The following CAPN14 variants were observed in gnomAD, a reference collection of about 807,000 sequenced individuals.
CAPN14 encodes the protein calpain-14.
In CAPN14, 94 loss-of-function variants were observed where a neutral mutation model predicts 101.3. That is an observed-to-expected ratio of 0.93 (90% CI 0.79 to 1.10). The LOEUF is 1.10. Ranked by LOEUF, CAPN14 falls within the 50% of genes least tolerant of loss-of-function variation. CAPN14 has a pLI of 0.00. For missense variants in CAPN14, 837 were observed against 828.4 expected (o/e 1.01, Z -0.13); for synonymous variants, 338 against 317.9 (o/e 1.06, Z -0.67).
intron 16 of CAPN14, among the ~76,000 whole-genome samples, chr2:31,185,940 C>A (rs553921120): frequency 2.0e-5 from 3 of 152,120 alleles, no homozygotes; most frequent in Non-Finnish European, 4.4e-5. Flanking sequence ...TTACCCCAGG[C>A]TTCATATGAA....
chr2:31,212,336 A>G (rs1443542869), intron 1 of CAPN14, among the ~76,000 whole-genome samples: 1 of 151,756 alleles, frequency 6.6e-6, no homozygotes, highest in Non-Finnish European at 1.5e-5. Context: ...AACAAAAAAA[A>G]CACAATGTGG....
upstream of CAPN14, among the ~76,000 whole-genome samples, chr2:31,219,317 C>T (rs80196039): frequency 7.3e-3 from 1,117 of 152,276 alleles, 9 homozygotes; most frequent in East Asian, 0.014. Flanking sequence ...AGCACTGTGG[C>T]CTTTTAACAT....
intron 3 of CAPN14, among the ~76,000 whole-genome samples, chr2:31,202,602 T>C (rs116670534): frequency 0.054 from 8,254 of 152,150 alleles, 270 homozygotes; most frequent in African/African-American, 0.086. Context: ...AAAGCCTCAA[T>C]CCTTCAGGAC....
At position 31,173,079 on chromosome 2, in the gene CAPN14, T is replaced by C. The variant is rs1006375407; in HGVS notation, c.*1602A>G. Reference sequence around the variant, plus strand: ...CCTTCAGGGGCCAAGGCAAAATTGGTTTATTAAAACAGCTATTTGCAATGG... The same window carrying C: ...CCTTCAGGGGCCAAGGCAAAATTGGCTTATTAAAACAGCTATTTGCAATGG... On this transcript the variant is annotated 3_prime_UTR_variant, in exon 22 of 22. Coordinates refer to ENST00000403897, the MANE Select transcript of CAPN14 (RefSeq NM_001145122.2). 1 of 152,118 alleles carries C rather than the reference T, an allele frequency of 6.6e-6. No individual in the cohort carries two copies. The highest frequency in any genetic ancestry group is 6.5e-5 in the Admixed American group (1 of 15,274). The allele number at this position is 152,118 out of a possible 1,614,324, so 9.4% of individuals were successfully genotyped here.
chr2:31,175,381 G>A (rs189764056), intron 21 of CAPN14, among the ~76,000 whole-genome samples: 71 of 152,276 alleles, frequency 4.7e-4, no homozygotes, highest in African/African-American at 1.6e-3. Context: ...TTTGCCTAAG[G>A]CCCCACAGCT....
chr2:31,214,348 T>C (rs4951974), intron 1 of CAPN14, among the ~76,000 whole-genome samples: 109,491 of 152,116 alleles, frequency 0.72, 39,772 homozygotes, highest in East Asian at 0.98. Context: ...TCTGATCACA[T>C]TGCTGGGGCC....
At chr2:31,202,305 T>A (rs1185133810) in intron 3 of CAPN14, 53 bp from the exon 4 acceptor site, 3 of 1,396,594 alleles carry the variant, frequency 2.1e-6, no homozygotes, top group Middle Eastern at 1.9e-4. Context: ...ACTTTATGAC[T>A]GCAGAAAATG....
intron 17 of CAPN14, 49 bp from the exon 18 acceptor site, chr2:31,178,628 C>T (rs1024480853): frequency 4.8e-5 from 62 of 1,283,792 alleles, no homozygotes; most frequent in Middle Eastern, 2.0e-4. Flanking sequence ...TCTATCCATG[C>T]TTTGGAGGCA....
chr2:31,194,461 T>C lies in CAPN14; in HGVS notation c.898A>G (p.Ser300Gly), dbSNP rs375677168. The change falls in exon 9 of 22, where the codon AGC (serine) becomes GGC (glycine). Residue 300 changes from serine (S) to glycine (G), a missense_variant. Physicochemically the swap from Ser to Gly is moderately conservative, Grantham distance 56. Transcript: ENST00000403897. ...AGAAGCAGAATCTTCTCCTTGGGGC[T>C]CAGCAGCTCCCATTTACTTGAACTG... ...SDSSSKWELL[S>G]PKEKILLLRK... 2.6e-5 allele frequency: 41 copies of C among 1,551,516 alleles called. No individual in the cohort carries two copies. In the African/African-American group the frequency reaches 3.7e-4, roughly 14 times the overall value.
chr2:31,205,097 G>T, intron 2 of CAPN14, 126 bp downstream of exon 2: 1 of 765,216 alleles, frequency 1.3e-6, no homozygotes. Flanking sequence ...AGAAGAGTGT[G>T]TTGTGTTGAG....
Position 31,188,324 on chromosome 2 carries a change from G to A in CAPN14, c.1524C>T (p.Phe508=). The A allele has an allele frequency of 6.4e-7, 1 of 1,551,562 alleles. No homozygotes were observed. ...YEIGSNSGVV[F]SKEIEDQNER... Reference sequence around the variant, plus strand: ...ATTCCACCAGACTACTCACCTTTGAGAAGACGACACCAGAATTGCTGCCAA... The same window carrying A: ...ATTCCACCAGACTACTCACCTTTGAAAAGACGACACCAGAATTGCTGCCAA... Residue 508 remains phenylalanine (F), a synonymous_variant, in exon 14 of 22, where the codon TTC becomes TTT. Transcript: ENST00000403897.
At chr2:31,194,585 T>A (rs1681374574) in intron 8 of CAPN14, 102 bp from the exon 9 acceptor site, 2 of 768,492 alleles carry the variant, frequency 2.6e-6, no homozygotes, top group East Asian at 5.5e-5. Flanking sequence ...TCATACTACC[T>A]CAGACAACTA....
intron 2 of CAPN14, among the ~76,000 whole-genome samples, chr2:31,223,716 G>A (rs535996768): frequency 1.3e-5 from 2 of 151,864 alleles, no homozygotes; most frequent in Non-Finnish European, 2.9e-5. Context: ...TTTTAGTAGA[G>A]ATGAGGTTTC....
Position 31,191,983 on chromosome 2 carries a change from C to T in CAPN14, c.1230G>A (p.Arg410=), listed in dbSNP as rs1177929110. 6.4e-7 allele frequency: 1 copy of T among 1,551,584 alleles called. No homozygotes were observed. Among genetic ancestry groups the T allele is most frequent in the South Asian group, 1.2e-5 (1 of 84,056 alleles). ...LVSLLQKPRH[R]CRKRKPLLAI... ...CGAGGAGAGGCTTCCGCTTGCGGCACCTGTGCCTGGGCTTCTGGAGCAGGG... is the reference window on the plus strand; with the variant it reads ...CGAGGAGAGGCTTCCGCTTGCGGCATCTGTGCCTGGGCTTCTGGAGCAGGG... Residue 410 remains arginine, a synonymous_variant, in exon 11 of 22, where the codon AGG becomes AGA. Transcript: ENST00000403897.
Position 31,203,040 on chromosome 2 carries a change from T to C in CAPN14, c.295+30A>G, listed in dbSNP as rs530871891. 1.2e-4 allele frequency: 180 copies of C among 1,539,056 alleles called. 1 individual carries two copies. In the South Asian group the frequency reaches 2.1e-3, roughly 18 times the overall value. The stretch of plus-strand genomic sequence containing the variant: ...CAGGCCTGGTCAGCAGGCAGCCTAG[T>C]GTCTGTCTCTCGGGGCTGTGCAAAC... On this transcript the variant is annotated intron_variant, in intron 3 of 21. Coordinates refer to ENST00000403897, the MANE Select transcript of CAPN14 (RefSeq NM_001145122.2).
At chr2:31,179,060 CTATATATATATATA>C (rs60701103) in intron 17 of CAPN14, among the ~76,000 whole-genome samples, 14 of 69,202 alleles carry the variant, frequency 2.0e-4, no homozygotes, top group Admixed American at 1.6e-3. Flanking sequence ...TTATTGAGTT[CTATATATATATATA>C]TATATATATA....
intron 17 of CAPN14, among the ~76,000 whole-genome samples, chr2:31,180,611 A>T (rs1332857001): frequency 6.6e-6 from 1 of 152,110 alleles, no homozygotes; most frequent in Non-Finnish European, 1.5e-5. Flanking sequence ...ACTAACCACC[A>T]CCTTCTAGCT....
At chr2:31,222,668 G>A (rs1682895179) in intron 2 of CAPN14, among the ~76,000 whole-genome samples, 1 of 152,136 alleles carries the variant, frequency 6.6e-6, no homozygotes, top group South Asian at 2.1e-4. Flanking sequence ...CTAATGATTG[G>A]ATTTGGTGCT....
intron 1 of CAPN14, among the ~76,000 whole-genome samples, chr2:31,209,515 A>G (rs368472605): frequency 7.9e-5 from 12 of 152,284 alleles, no homozygotes; most frequent in African/African-American, 2.9e-4. Context: ...ACACCTGGGG[A>G]TACACCAGCC....
Sources: gnomAD v4.1 joint callset for allele counts (sites outside exome capture counted in the v4.1 genomes callset) on GRCh38, gnomAD v4.1.1 for gene constraint, MANE v1.5 for transcripts, NCBI Gene and HGNC (gene_info 2026-07-23, HGNC 2026-07-21) for gene names.